Variants in ASAP2 observed in about 807,000 individuals in gnomAD.
The protein encoded by ASAP2 is ArfGAP with SH3 domain, ankyrin repeat and PH domain 2.
In ASAP2, 45 loss-of-function variants were observed where a neutral mutation model predicts 131.4. That is an observed-to-expected ratio of 0.34 (90% CI 0.27 to 0.44). The LOEUF (loss-of-function observed/expected upper bound fraction) is 0.44. ASAP2 is among the 20% of genes least tolerant of loss of function. The pLI is 1.00. For missense variants in ASAP2, 1,011 were observed against 1,297.0 expected, an observed-to-expected ratio of 0.78 and a Z score of 3.39; for synonymous variants, 510 against 503.0, an observed-to-expected ratio of 1.01 and a Z score of -0.19.
intron 1 of ASAP2, among the ~76,000 whole-genome samples, chr2:9,229,348 A>G (rs960877161): frequency 4.6e-5 from 7 of 151,784 alleles, no homozygotes; most frequent in Admixed American, 6.6e-5. Context: ...CCTCAGCCCC[A>G]CCTCTGTTGT....
chr2:9,239,530 T>G (rs1663794574), intron 1 of ASAP2, among the ~76,000 whole-genome samples: 1 of 152,174 alleles, frequency 6.6e-6, no homozygotes. Flanking sequence ...TTATAACCCA[T>G]AGGTGTAGGT....
At chr2:9,346,102 C>G (rs988906501) in intron 11 of ASAP2, among the ~76,000 whole-genome samples, 1 of 152,056 alleles carries the variant, frequency 6.6e-6, no homozygotes, top group East Asian at 1.9e-4. Flanking sequence ...CCCCTGCCCC[C>G]GCGACCCCAG....
intron 1 of ASAP2, among the ~76,000 whole-genome samples, chr2:9,258,816 G>A (rs962359292): frequency 6.6e-6 from 1 of 152,070 alleles, no homozygotes; most frequent in Non-Finnish European, 1.5e-5. Flanking sequence ...TATTTCTCTC[G>A]CTCTCTCTCC....
At chr2:9,319,711 G>A (rs1670031964) in intron 4 of ASAP2, among the ~76,000 whole-genome samples, 1 of 152,270 alleles carries the variant, frequency 6.6e-6, no homozygotes, top group African/African-American at 2.4e-5. Flanking sequence ...TTTGAAGGGA[G>A]CATAAATAGG....
At chr2:9,367,503 G>T (rs953892403) in intron 15 of ASAP2, among the ~76,000 whole-genome samples, 1 of 152,142 alleles carries the variant, frequency 6.6e-6, no homozygotes, top group African/African-American at 2.4e-5. Flanking sequence ...GCTCACGCCT[G>T]TAATCCCAGC....
intron 7 of ASAP2, among the ~76,000 whole-genome samples, chr2:9,331,227 GTT>G (rs1411755656): frequency 6.6e-6 from 1 of 152,244 alleles, no homozygotes; most frequent in Non-Finnish European, 1.5e-5. Context: ...CAGGGCTCAG[GTT>G]TGGCTGTTGA....
intron 15 of ASAP2, among the ~76,000 whole-genome samples, chr2:9,364,294 G>C (rs910272797): frequency 6.6e-6 from 1 of 151,960 alleles, no homozygotes; most frequent in Non-Finnish European, 1.5e-5. Context: ...GATCACTTGA[G>C]CCCATGAGTT....
chr2:9,350,500 A>G, intron 11 of ASAP2: 1 of 259,168 alleles, frequency 3.9e-6, no homozygotes, highest in Non-Finnish European at 7.3e-6. Flanking sequence ...TTAGCCATGC[A>G]ATATCTTGAT....
intron 3 of ASAP2, among the ~76,000 whole-genome samples, chr2:9,298,245 C>T (rs1449355563): frequency 6.6e-6 from 1 of 152,150 alleles, no homozygotes; most frequent in Non-Finnish European, 1.5e-5. Context: ...GCATCTTTTT[C>T]GTGTCCTCTG....
intron 1 of ASAP2, among the ~76,000 whole-genome samples, chr2:9,254,033 C>G (rs77123349): frequency 6.6e-6 from 1 of 150,562 alleles, no homozygotes; most frequent in South Asian, 2.1e-4. Context: ...TAGTGAAACC[C>G]CGTCTCTACT....
At chr2:9,338,051 C>T (rs1467972324) in intron 9 of ASAP2, among the ~76,000 whole-genome samples, 1 of 152,218 alleles carries the variant, frequency 6.6e-6, no homozygotes, top group Admixed American at 6.5e-5. Context: ...TCAGCCTCGC[C>T]TCCTGCCTTC....
chr2:9,227,784 C>T (rs981853043), intron 1 of ASAP2, among the ~76,000 whole-genome samples: 1 of 152,178 alleles, frequency 6.6e-6, no homozygotes, highest in African/African-American at 2.4e-5. Context: ...TACAAAGATT[C>T]TATGTGCTTA....
intron 20 of ASAP2, among the ~76,000 whole-genome samples, chr2:9,384,530 T>C (rs1361331839): frequency 6.6e-6 from 1 of 152,256 alleles, no homozygotes; most frequent in Non-Finnish European, 1.5e-5. Context: ...CCAGAACTTC[T>C]GACCAACCGG....
At chr2:9,344,468 G>A (rs2148604770) in intron 9 of ASAP2, 64 bp from the exon 10 acceptor site, 8 of 1,386,958 alleles carry the variant, frequency 5.8e-6, no homozygotes, top group Non-Finnish European at 8.1e-6. Context: ...TTTCCTTTGT[G>A]TACTGCTTTT....
intron 1 of ASAP2, among the ~76,000 whole-genome samples, chr2:9,263,581 TG>T (rs1665727642): frequency 6.6e-6 from 1 of 152,260 alleles, no homozygotes; most frequent in Non-Finnish European, 1.5e-5. Context: ...ATAGGGATCC[TG>T]GCGAAGCCCA....
chr2:9,371,014 A>G (rs796407192), intron 16 of ASAP2, among the ~76,000 whole-genome samples: 13 of 152,310 alleles, frequency 8.5e-5, no homozygotes, highest in African/African-American at 3.1e-4. Flanking sequence ...GTTTCTTCCA[A>G]GCACCAGGGG....
intron 15 of ASAP2, among the ~76,000 whole-genome samples, chr2:9,365,067 T>C (rs553530115): frequency 6.6e-6 from 1 of 152,348 alleles, no homozygotes; most frequent in South Asian, 2.1e-4. Context: ...TGTACTTACT[T>C]ACATATGATG....
chr2:9,242,124 G>A (rs1248048373), intron 1 of ASAP2, among the ~76,000 whole-genome samples: 1 of 152,166 alleles, frequency 6.6e-6, no homozygotes, highest in Non-Finnish European at 1.5e-5. Flanking sequence ...AAGAGAGGGG[G>A]GAGGTCTGTG....
chr2:9,352,607 G>C (rs1572526314), intron 12 of ASAP2, among the ~76,000 whole-genome samples: 1 of 152,338 alleles, frequency 6.6e-6, no homozygotes, highest in Admixed American at 6.5e-5. Context: ...CAACACAGCA[G>C]GCAGCAGGGA....
Sources: allele counts gnomAD v4.1 joint callset (sites outside exome capture counted in the v4.1 genomes callset), GRCh38; gene constraint gnomAD v4.1.1; transcripts MANE v1.5; gene names NCBI Gene and HGNC (gene_info 2026-07-23, HGNC 2026-07-21).